Variants in SLC4A10 observed in about 807,000 individuals in gnomAD.
SLC4A10 encodes the protein sodium-driven chloride bicarbonate exchanger.
In SLC4A10, 42 loss-of-function variants were observed where a neutral mutation model predicts 137.7. The observed-to-expected ratio is 0.30, with a 90% confidence interval of 0.24 to 0.39. The LOEUF (loss-of-function observed/expected upper bound fraction) is 0.39, where lower values mean the gene tolerates loss of function less well. Among genes scored for constraint, SLC4A10 ranks in the 10% least tolerant of loss-of-function variants. The pLI, the probability that SLC4A10 is intolerant of heterozygous loss-of-function variation, is 1.00. For synonymous variants in SLC4A10, 474 were observed against 464.1 expected (o/e 1.02, Z -0.27); for missense variants, 925 against 1,355.0 (o/e 0.68, Z 4.98).
At chr2:161,718,798 A>G (rs2045262678) in intron 1 of SLC4A10, among the ~76,000 whole-genome samples, 1 of 152,202 alleles carries the variant, frequency 6.6e-6, no homozygotes, top group African/African-American at 2.4e-5. Context: ...AGATCTGTAG[A>G]TAACTATCAA....
intron 1 of SLC4A10, among the ~76,000 whole-genome samples, chr2:161,767,094 CATATATATATATATATATATATAT>C (rs770704286): frequency 0.036 from 1,455 of 40,186 alleles, 71 homozygotes; most frequent in African/African-American, 0.096. Context: ...AATTAAGAAG[CATATATATATATATATATATATAT>C]ATATATATAT....
chr2:161,834,500 C>G (rs751444128), intron 3 of SLC4A10, among the ~76,000 whole-genome samples: 6 of 152,120 alleles, frequency 3.9e-5, no homozygotes, highest in Non-Finnish European at 7.3e-5. Flanking sequence ...AAAGAAAAGT[C>G]CTTGGTGTGA....
At chr2:161,874,629 A>G (rs2125934587) in intron 8 of SLC4A10, among the ~76,000 whole-genome samples, 1 of 152,244 alleles carries the variant, frequency 6.6e-6, no homozygotes, top group South Asian at 2.1e-4. Context: ...TTTAATAGGC[A>G]AGTTAAATTT....
intron 3 of SLC4A10, among the ~76,000 whole-genome samples, chr2:161,807,090 T>C (rs892537326): frequency 6.6e-6 from 1 of 152,046 alleles, no homozygotes; most frequent in Non-Finnish European, 1.5e-5. Context: ...GCAGGAAAAC[T>C]CTGCCTTATA....
chr2:161,645,248 T>A lies in SLC4A10; in HGVS notation c.48+20682T>A, dbSNP rs572029417. Among the ~76,000 whole-genome samples the A allele has an allele frequency of 4.6e-5, 7 of 152,108 alleles. No homozygotes were observed. The East Asian group carries it at 1.4e-3, about 29-fold the overall frequency. ...TCCAATATTTTTTTTCTCTCTTGGC[T>A]TTATATGTTCCCATGAAACTATGGG... On this transcript the variant is annotated intron_variant, in intron 1 of 26. Coordinates refer to ENST00000446997, the MANE Select transcript of SLC4A10 (RefSeq NM_001178015.2).
chr2:161,868,972 G>A (rs2060941965), intron 6 of SLC4A10, among the ~76,000 whole-genome samples: 1 of 151,440 alleles, frequency 6.6e-6, no homozygotes, highest in Non-Finnish European at 1.5e-5. Context: ...AGTGATCAGT[G>A]GACAAAGGTA....
At chr2:161,855,224 A>G (rs2060035249) in intron 5 of SLC4A10, 94 bp downstream of exon 5, 19 of 1,215,360 alleles carry the variant, frequency 1.6e-5, no homozygotes, top group Non-Finnish European at 2.1e-5. Context: ...GAACTTTGGA[A>G]AACTAATTCT....
At chr2:161,698,133 C>T (rs969084374) in intron 1 of SLC4A10, among the ~76,000 whole-genome samples, 4 of 152,282 alleles carry the variant, frequency 2.6e-5, no homozygotes, top group Non-Finnish European at 2.9e-5. Flanking sequence ...TATAAGAATG[C>T]TTGTGATTTT....
At chr2:161,641,263 G>A (rs1417485472) in intron 1 of SLC4A10, among the ~76,000 whole-genome samples, 1 of 151,924 alleles carries the variant, frequency 6.6e-6, no homozygotes, top group Non-Finnish European at 1.5e-5. Flanking sequence ...TTTCATTTAT[G>A]TCATTTCTTA....
intron 1 of SLC4A10, among the ~76,000 whole-genome samples, chr2:161,732,422 A>G (rs569891843): frequency 6.6e-6 from 1 of 152,188 alleles, no homozygotes; most frequent in Non-Finnish European, 1.5e-5. Context: ...GACCAACTAT[A>G]TATTTTACCA....
chr2:161,768,730 A>T (rs1381683455), intron 1 of SLC4A10, among the ~76,000 whole-genome samples: 2 of 151,974 alleles, frequency 1.3e-5, no homozygotes, highest in Admixed American at 1.3e-4. Flanking sequence ...GAATCAGACT[A>T]TTCTGATTAC....
chr2:161,751,125 C>T (rs2048917851), intron 1 of SLC4A10, among the ~76,000 whole-genome samples: 1 of 151,672 alleles, frequency 6.6e-6, no homozygotes, highest in South Asian at 2.1e-4. Flanking sequence ...AATTGAGTTT[C>T]TTGTAGACAG....
At chr2:161,971,858 A>G (rs962635715) in intron 23 of SLC4A10, among the ~76,000 whole-genome samples, 1 of 152,234 alleles carries the variant, frequency 6.6e-6, no homozygotes, top group Admixed American at 6.5e-5. Context: ...GGATAGAATT[A>G]TGACTAGTAT....
chr2:161,865,043 T>C (rs1288516204), intron 6 of SLC4A10, among the ~76,000 whole-genome samples: 1 of 152,152 alleles, frequency 6.6e-6, no homozygotes, highest in Admixed American at 6.5e-5. Flanking sequence ...AGATAAGATA[T>C]ATGTCTTTAA....
intron 15 of SLC4A10, among the ~76,000 whole-genome samples, chr2:161,924,756 A>T (rs1306597649): frequency 6.6e-6 from 1 of 152,180 alleles, no homozygotes; most frequent in Non-Finnish European, 1.5e-5. Flanking sequence ...TCAAAAAGTC[A>T]CGGTTAAAAT....
chr2:161,945,222 A>G lies in SLC4A10; in HGVS notation c.2103+2325A>G, dbSNP rs937436897. Among the ~76,000 whole-genome samples the G allele has an allele frequency of 1.1e-4, 12 of 109,828 alleles. No individual in the cohort carries two copies. In the South Asian group the frequency reaches 1.8e-3, roughly 17 times the overall value. The allele number at this position is 109,828 out of a possible 152,430, so 72.1% of individuals were successfully genotyped here. ...TATATATATATATATATATATATAT[A>G]TATATATATATATTTGTCAGTATCT... On this transcript the variant is annotated intron_variant, in intron 16 of 26. Transcript: ENST00000446997.
chr2:161,769,743 AT>A (rs2051335083), intron 1 of SLC4A10, among the ~76,000 whole-genome samples: 1 of 151,828 alleles, frequency 6.6e-6, no homozygotes, highest in Non-Finnish European at 1.5e-5. Flanking sequence ...ATTTATAAGA[AT>A]TCTCCAAGAT....
At chr2:161,689,073 G>A (rs2041724503) in intron 1 of SLC4A10, among the ~76,000 whole-genome samples, 1 of 152,060 alleles carries the variant, frequency 6.6e-6, no homozygotes, top group Admixed American at 6.6e-5. Context: ...TGGTACAGCT[G>A]TACAATGTGT....
chr2:161,912,032 C>T (rs771441541), intron 15 of SLC4A10, among the ~76,000 whole-genome samples: 10 of 151,960 alleles, frequency 6.6e-5, no homozygotes, highest in Non-Finnish European at 1.5e-4. Flanking sequence ...CAGTAGTATC[C>T]AGTATAATAG....
Sources: gnomAD v4.1 joint callset for allele counts (sites outside exome capture counted in the v4.1 genomes callset) on GRCh38, gnomAD v4.1.1 for gene constraint, MANE v1.5 for transcripts, NCBI Gene and HGNC (gene_info 2026-07-23, HGNC 2026-07-21) for gene names.